Variants in MYO18B observed in about 807,000 individuals in gnomAD.
The protein encoded by MYO18B is unconventional myosin-XVIIIb.
Under a neutral mutation model 273.0 loss-of-function variants are expected in MYO18B, and 204 were observed. That is an observed-to-expected ratio of 0.75 (90% CI 0.67 to 0.84). The LOEUF (loss-of-function observed/expected upper bound fraction) is 0.84, where lower values mean the gene tolerates loss of function less well. MYO18B is among the 40% of genes least tolerant of loss of function. MYO18B has a pLI of 0.00. For missense variants in MYO18B, 3,212 were observed against 3,287.6 expected, an observed-to-expected ratio of 0.98 and a Z score of 0.56; for synonymous variants, 1,330 against 1,305.7, an observed-to-expected ratio of 1.02 and a Z score of -0.40.
intron 7 of MYO18B, among the ~76,000 whole-genome samples, chr22:25,775,754 C>T (rs960521469): frequency 1.3e-5 from 2 of 152,154 alleles, no homozygotes; most frequent in African/African-American, 4.8e-5. Context: ...TCTGTTCTCA[C>T]ACTCTTCCTT....
intron 25 of MYO18B, among the ~76,000 whole-genome samples, chr22:25,884,564 T>A (rs1377874728): frequency 2.6e-5 from 4 of 152,202 alleles, no homozygotes; most frequent in African/African-American, 9.7e-5. Context: ...CTAAGGCCTC[T>A]CAGCTAAAGA....
the MYO18B span, among the ~76,000 whole-genome samples, chr22:26,052,585 A>T: frequency 2.6e-5 from 4 of 152,120 alleles, no homozygotes; most frequent in East Asian, 7.7e-4. Flanking sequence ...TGAGAAACCA[A>T]GGGGTGGGAG....
At chr22:25,803,750 C>T (rs753098264) in intron 12 of MYO18B, among the ~76,000 whole-genome samples, 3 of 152,068 alleles carry the variant, frequency 2.0e-5, no homozygotes, top group Admixed American at 6.6e-5. Flanking sequence ...TGAAACGCAA[C>T]GATGTTCATA....
intron 15 of MYO18B, among the ~76,000 whole-genome samples, chr22:25,829,227 G>A (rs555743457): frequency 3.0e-4 from 46 of 152,268 alleles, no homozygotes; most frequent in African/African-American, 1.1e-3. Flanking sequence ...TTGCTTCCAC[G>A]GCTGTCCTTT....
chr22:26,045,807 CAGCAG>C, the MYO18B span, among the ~76,000 whole-genome samples: 2 of 152,216 alleles, frequency 1.3e-5, no homozygotes, highest in Non-Finnish European at 2.9e-5. Flanking sequence ...CAGCGAAGAC[CAGCAG>C]AGCAGAGCAG....
intron 12 of MYO18B, among the ~76,000 whole-genome samples, chr22:25,817,359 C>G (rs2089072746): frequency 6.8e-6 from 1 of 147,008 alleles, no homozygotes; most frequent in Non-Finnish European, 1.5e-5. Context: ...CTTTCTTTCT[C>G]TCTCTCTCCT....
Position 25,785,483 on chromosome 22 carries a change from T to C in MYO18B, c.2368T>C (p.Trp790Arg). 1.2e-6 allele frequency: 2 copies of C among 1,612,188 alleles called. No homozygotes were observed. Among genetic ancestry groups the C allele is most frequent in the African/African-American group, 1.3e-5 (1 of 75,026 alleles). The change falls in exon 11 of 44, where the codon TGG (tryptophan) becomes CGG (arginine). Residue 790 changes from tryptophan (W) to arginine (R), a missense_variant. Trp to Arg is a moderately radical substitution (Grantham distance 101). Transcript: ENST00000335473. ...ADSSSFGMGV[W>R]SKPEDKQKAA... ...TAGCAGCTCCTTTGGCATGGGCGTG[T>C]GGTCCAAGGTAAGGAGGAGGTCCCT...
chr22:25,784,481 G>A (rs2087294543), intron 10 of MYO18B, among the ~76,000 whole-genome samples: 1 of 152,210 alleles, frequency 6.6e-6, no homozygotes, highest in Admixed American at 6.5e-5. Flanking sequence ...GGCAGCACTG[G>A]GGTTGGACTT....
intron 34 of MYO18B, among the ~76,000 whole-genome samples, chr22:25,931,681 C>CTTTTTTTTTTTTTTTTTT (rs71311530): frequency 1.7e-4 from 21 of 123,522 alleles, no homozygotes; most frequent in Non-Finnish European, 2.4e-4. Context: ...TTTCTTTTTT[C>CTTTTTTTTTTTTTTTTTT]TTTTTTTTTT....
At chr22:25,867,880 C>G (rs2090935999) in intron 21 of MYO18B, among the ~76,000 whole-genome samples, 1 of 152,304 alleles carries the variant, frequency 6.6e-6, no homozygotes, top group Non-Finnish European at 1.5e-5. Context: ...ATCCGCCCAC[C>G]TCAGCCTCCC....
chr22:25,793,902 C>T (rs990521560), intron 11 of MYO18B, among the ~76,000 whole-genome samples: 1 of 151,696 alleles, frequency 6.6e-6, no homozygotes, highest in Non-Finnish European at 1.5e-5. Flanking sequence ...GTGTACAACT[C>T]GATGTTTATA....
intron 34 of MYO18B, among the ~76,000 whole-genome samples, chr22:25,926,053 A>G (rs755745564): frequency 2.6e-5 from 4 of 151,576 alleles, no homozygotes; most frequent in African/African-American, 4.9e-5. Flanking sequence ...AAAATATAAA[A>G]AATTAGCCAG....
rs1304439634 is a variant in MYO18B at position 25,883,026 on chromosome 22, A to G, written c.4314+4978A>G. 6.6e-6 allele frequency among the ~76,000 whole-genome samples: 1 copy of G among 152,028 alleles called. No homozygotes were observed. The highest frequency in any genetic ancestry group is 2.1e-4 in the South Asian group (1 of 4,812). On this transcript the variant is annotated intron_variant, in intron 25 of 43. Coordinates refer to ENST00000335473, the MANE Select transcript of MYO18B (RefSeq NM_032608.7). The surrounding 1 kb of genome is among the most constrained non-coding windows in gnomAD (Gnocchi z 7.6). Reference sequence around the variant, plus strand: ...AACCTCCTACTTCAGCCTCCCATGTAGCCAGGACCACAGGCGTGCATCACC... The same window carrying G: ...AACCTCCTACTTCAGCCTCCCATGTGGCCAGGACCACAGGCGTGCATCACC...
At chr22:25,927,824 C>T (rs1030566509) in intron 34 of MYO18B, among the ~76,000 whole-genome samples, 16 of 152,072 alleles carry the variant, frequency 1.1e-4, no homozygotes, top group South Asian at 2.1e-4. Context: ...AGCTGGCTGA[C>T]TCTTAAGGAA....
At chr22:25,864,299 T>C (rs1444680234) in intron 21 of MYO18B, among the ~76,000 whole-genome samples, 1 of 152,222 alleles carries the variant, frequency 6.6e-6, no homozygotes, top group Non-Finnish European at 1.5e-5. Context: ...CATTGTCCAA[T>C]TTCCAGAGTA....
chr22:25,946,184 G>T lies in MYO18B; in HGVS notation c.5565G>T (p.Lys1855Asn), dbSNP rs1222520064. Residue 1855 changes from lysine to asparagine, a missense_variant, in exon 35 of 44, where the codon AAG becomes AAT. Coordinates refer to ENST00000335473, the MANE Select transcript of MYO18B (RefSeq NM_032608.7). Reference protein sequence around the residue: ...AKCEEALKTQKVLTADLESMH... With the variant: ...AKCEEALKTQNVLTADLESMH... ...GTGAGGAGGCCTTGAAGACGCAGAAGGTGCTCACAGCGGACCTGGAGAGCA... is the reference window on the plus strand; with the variant it reads ...GTGAGGAGGCCTTGAAGACGCAGAATGTGCTCACAGCGGACCTGGAGAGCA... 3 of 1,582,464 alleles carry T rather than the reference G, an allele frequency of 1.9e-6. No homozygotes were observed. Among genetic ancestry groups the T allele is most frequent in the Non-Finnish European group, 2.6e-6 (3 of 1,166,926 alleles).
At chr22:25,944,645 C>T (rs2092683429) in intron 34 of MYO18B, among the ~76,000 whole-genome samples, 1 of 152,018 alleles carries the variant, frequency 6.6e-6, no homozygotes, top group Admixed American at 6.6e-5. Context: ...GTCAGGAGTT[C>T]AAGACCAGCC....
At chr22:25,843,556 CCACTTTGGAAAT>C (rs2090146874) in intron 17 of MYO18B, among the ~76,000 whole-genome samples, 167 bp from the exon 18 acceptor site, 1 of 152,136 alleles carries the variant, frequency 6.6e-6, no homozygotes, top group Non-Finnish European at 1.5e-5. Context: ...AGAATAAAAT[CCACTTTGGAAAT>C]AATGTACACA....
chr22:25,903,734 C>T lies in MYO18B; in HGVS notation c.5051C>T (p.Ala1684Val), dbSNP rs1242602241. ...GSPSLGENCVAGLKERLWKLE... is the reference protein window; with the variant it reads ...GSPSLGENCVVGLKERLWKLE... ...CCCTCTCTGGGGGAAAATTGCGTTG[C>T]TGGCTTGAAGGAGAGGCTCTGGAAG... Residue 1684 changes from alanine (A) to valine (V), a missense_variant, in exon 31 of 44, where the codon GCT (alanine) becomes GTT (valine). Ala to Val is a moderately conservative substitution (Grantham distance 64). Coordinates refer to ENST00000335473, the MANE Select transcript of MYO18B (RefSeq NM_032608.7). 6.2e-7 allele frequency: 1 copy of T among 1,606,452 alleles called. No homozygotes were observed. Among genetic ancestry groups the T allele is most frequent in the Admixed American group, 1.7e-5 (1 of 59,090 alleles).
Sources: gnomAD v4.1 joint callset for allele counts (sites outside exome capture counted in the v4.1 genomes callset) on GRCh38, gnomAD v4.1.1 for gene constraint, Gnocchi (gnomAD v3.1) non-coding constraint, MANE v1.5 for transcripts, NCBI Gene and HGNC (gene_info 2026-07-23, HGNC 2026-07-21) for gene names.